BRINP2: variants seen among roughly 807,000 people sequenced by gnomAD.
The protein encoded by BRINP2 is BMP/retinoic acid-inducible neural-specific protein 2.
In BRINP2, 21 loss-of-function variants were observed where a neutral mutation model predicts 69.2. The observed-to-expected ratio is 0.30, with a 90% CI of 0.22 to 0.44. BRINP2 has a LOEUF of 0.44. Among genes scored for constraint, BRINP2 ranks in the 20% least tolerant of loss-of-function variants. The probability of loss-of-function intolerance (pLI) is 1.00; values close to 1 mark genes in which losing one functional copy is unlikely to be tolerated. For synonymous variants in BRINP2, 380 were observed against 394.1 expected, an observed-to-expected ratio of 0.96 and a Z score of 0.42; for missense variants, 877 against 986.0, an observed-to-expected ratio of 0.89 and a Z score of 1.48.
chr1:177,242,146 G>A (rs1445748173), intron 2 of BRINP2, among the ~76,000 whole-genome samples: 1 of 152,112 alleles, frequency 6.6e-6, no homozygotes, highest in African/African-American at 2.4e-5. Flanking sequence ...TCTGAGTTTT[G>A]TAGATTCTAT....
intron 1 of BRINP2, among the ~76,000 whole-genome samples, chr1:177,211,707 G>A (rs1649226530): frequency 6.6e-6 from 1 of 151,860 alleles, no homozygotes; most frequent in African/African-American, 2.4e-5. Flanking sequence ...ATTTTTATTT[G>A]GGTTATTACT....
In BRINP2 at chr1:177,230,105, C is replaced by T. The variant is rs755843993; in HGVS notation, c.229C>T (p.Arg77Trp). The T allele has an allele frequency of 1.9e-6, 3 of 1,612,866 alleles. No homozygotes were observed. Among genetic ancestry groups the T allele is most frequent in the Non-Finnish European group, 1.7e-6 (2 of 1,179,474 alleles). Residue 77 changes from arginine (R) to tryptophan (W), a missense_variant, in exon 2 of 8, where the codon CGG becomes TGG. Transcript: ENST00000361539. ...RAQEYADFMERYRQGFTTRYR... is the reference protein window; with the variant it reads ...RAQEYADFMEWYRQGFTTRYR... ...TCAGGAGTATGCTGACTTCATGGAG[C>T]GGTACCGCCAGGGTTTCACCACCAG... is the stretch of plus-strand genomic sequence containing the variant.
chr1:177,185,547 A>G (rs966299348), intron 1 of BRINP2, among the ~76,000 whole-genome samples: 19 of 152,226 alleles, frequency 1.2e-4, no homozygotes, highest in Non-Finnish European at 2.9e-5. Flanking sequence ...TACAGCCTGG[A>G]GAAGTATTTA....
chr1:177,187,443 C>T (rs752438117), intron 1 of BRINP2, among the ~76,000 whole-genome samples: 13 of 152,190 alleles, frequency 8.5e-5, no homozygotes, highest in African/African-American at 2.9e-4. Flanking sequence ...TCTTCCCAAA[C>T]TAAGCACATT....
At chr1:177,270,238 A>G (rs1651269559) in intron 4 of BRINP2, among the ~76,000 whole-genome samples, 2 of 152,132 alleles carry the variant, frequency 1.3e-5, no homozygotes, top group South Asian at 2.1e-4. Context: ...GAAAAGCACT[A>G]TGACTCTGGA....
intron 2 of BRINP2, among the ~76,000 whole-genome samples, chr1:177,255,593 C>T (rs1257567111): frequency 6.6e-6 from 1 of 152,178 alleles, no homozygotes. Flanking sequence ...AACCACTGTT[C>T]CAATGTTTGT....
chr1:177,245,946 G>C (rs1410188017), intron 2 of BRINP2, among the ~76,000 whole-genome samples: 3 of 152,108 alleles, frequency 2.0e-5, no homozygotes, highest in African/African-American at 4.8e-5. Context: ...ATTTTAATTA[G>C]AGCAAAATTG....
chr1:177,257,170 C>T lies in BRINP2; in HGVS notation c.461-6C>T. 6.2e-7 allele frequency: 1 copy of T among 1,613,872 alleles called. No individual in the cohort carries two copies. On this transcript the variant is annotated splice_polypyrimidine_tract_variant and splice_region_variant and intron_variant, in intron 3 of 7. Transcript: ENST00000361539. ...GTCACCAATACACTCGTGTTGTTCA[C>T]CATAGGAGAAGAGTCCCTGACCATT... is the stretch of plus-strand genomic sequence containing the variant.
intron 2 of BRINP2, among the ~76,000 whole-genome samples, chr1:177,240,475 A>G (rs1463990580): frequency 2.0e-5 from 3 of 152,208 alleles, no homozygotes; most frequent in South Asian, 4.1e-4. Context: ...GAATAATTTT[A>G]AAACTTAAAA....
intron 1 of BRINP2, among the ~76,000 whole-genome samples, chr1:177,223,682 T>C (rs1197495362): frequency 6.6e-6 from 1 of 152,198 alleles, no homozygotes; most frequent in Non-Finnish European, 1.5e-5. Flanking sequence ...TAGTAAACAG[T>C]AATTATGATT....
chr1:177,254,589 G>C (rs1209372203), intron 2 of BRINP2, among the ~76,000 whole-genome samples: 1 of 151,958 alleles, frequency 6.6e-6, no homozygotes, highest in African/African-American at 2.4e-5. Context: ...TGGTTGAGTT[G>C]CAAGCTGAAC....
intron 1 of BRINP2, among the ~76,000 whole-genome samples, chr1:177,193,276 G>A (rs1218154719): frequency 6.6e-6 from 1 of 152,170 alleles, no homozygotes; most frequent in African/African-American, 2.4e-5. Flanking sequence ...CAATAGCACT[G>A]TCATGTTTCC....
chr1:177,207,176 TAAGTA>T (rs961090624), intron 1 of BRINP2, among the ~76,000 whole-genome samples: 2 of 152,148 alleles, frequency 1.3e-5, no homozygotes, highest in Admixed American at 1.3e-4. Context: ...CCTCCTTTTC[TAAGTA>T]AAGGGTTATT....
At chr1:177,183,137 C>CTTTTTTTTTTTTTTTT (rs71129597) in intron 1 of BRINP2, among the ~76,000 whole-genome samples, 9 of 54,306 alleles carry the variant, frequency 1.7e-4, no homozygotes, top group Non-Finnish European at 2.1e-4. Flanking sequence ...AGTGTGTGAG[C>CTTTTTTTTTTTTTTTT]TTTTTTTTTT....
intron 1 of BRINP2, among the ~76,000 whole-genome samples, chr1:177,175,251 TGTAGCA>T (rs1648053777): frequency 6.6e-6 from 1 of 150,620 alleles, no homozygotes; most frequent in African/African-American, 2.5e-5. Context: ...AAACATACAC[TGTAGCA>T]GCCACTAAGG....
chr1:177,259,193 A>G (rs1273481240), intron 4 of BRINP2, among the ~76,000 whole-genome samples: 4 of 152,204 alleles, frequency 2.6e-5, no homozygotes, highest in African/African-American at 4.8e-5. Context: ...TGCTGATATG[A>G]AGGAAGTTTG....
In BRINP2 at chr1:177,281,313, C is replaced by T. The variant is rs760728415; in HGVS notation, c.2137C>T (p.Gln713Ter). Residue 713 changes from glutamine to a stop codon, truncating the protein, a stop_gained, in exon 8 of 8, where the codon CAG (glutamine) becomes TAG (stop). Transcript: ENST00000361539. LOFTEE classifies it high-confidence loss of function. ...GGACTACCCATATACTCAAGGTTCC[C>T]AGGACTCTGCACTCTTGCAGCTCAT... ...QLDYPYTQGS[Q>*]DSALLQLIEL... The T allele has an allele frequency of 6.2e-7, 1 of 1,614,132 alleles. No homozygotes were observed. The highest frequency in any genetic ancestry group is 1.7e-5 in the Admixed American group (1 of 60,014).
At position 177,257,270 on chromosome 1, in the gene BRINP2, C is replaced by T. The variant is rs1353223092; in HGVS notation, c.555C>T (p.Asn185=). Residue 185 remains asparagine (N), a synonymous_variant, in exon 4 of 8, where the codon AAC becomes AAT. Coordinates refer to ENST00000361539, the MANE Select transcript of BRINP2 (RefSeq NM_021165.4). ...CCTCTATAATCGGGGGCAGTGGGAA[C>T]AGCACAGCTGTGTCCCTGGAGACCC... ...GGASIIGGSG[N]STAVSLETLH... 8 of 1,613,974 alleles carry T rather than the reference C, an allele frequency of 5.0e-6. No individual in the cohort carries two copies. The highest frequency in any genetic ancestry group is 1.6e-4 in the Middle Eastern group (1 of 6,084).
Position 177,272,333 on chromosome 1 carries a change from T to C in BRINP2, c.670-1155T>C, listed in dbSNP as rs185919511. 2.5e-3 allele frequency among the ~76,000 whole-genome samples: 388 copies of C among 152,364 alleles called. 2 individuals are homozygous for C. The highest frequency in any genetic ancestry group is 0.01 in the South Asian group (49 of 4,826). The stretch of plus-strand genomic sequence containing the variant: ...CCACAGGGTGTGATCTCCTGGAGGA[T>C]GCAGTACACAATGTGTACATTGTTG... On this transcript the variant is annotated intron_variant, in intron 4 of 7. Transcript: ENST00000361539.
Sources: gnomAD v4.1 joint callset for allele counts (sites outside exome capture counted in the v4.1 genomes callset) on GRCh38, gnomAD v4.1.1 for gene constraint, MANE v1.5 for transcripts, NCBI Gene and HGNC (gene_info 2026-07-23, HGNC 2026-07-21) for gene names.